Variants in PREX1 observed in about 807,000 individuals in gnomAD.
The protein encoded by PREX1 is phosphatidylinositol 3,4,5-trisphosphate-dependent Rac exchanger 1 protein.
In PREX1, 41 loss-of-function variants were observed where a neutral mutation model predicts 198.3. The observed-to-expected ratio is 0.21, with a 90% CI of 0.16 to 0.27. The LOEUF is 0.27. PREX1 is among the 10% of genes least tolerant of loss of function. PREX1 has a pLI of 1.00. For missense variants in PREX1, 1,620 were observed against 2,200.7 expected (o/e 0.74, Z 5.28); for synonymous variants, 843 against 887.2 (o/e 0.95, Z 0.89).
At chr20:48,864,539 G>C in the PREX1 span, among the ~76,000 whole-genome samples, 3 of 152,212 alleles carry the variant, frequency 2.0e-5, no homozygotes, top group African/African-American at 7.2e-5. Context: ...TTGCAGATGA[G>C]AAAAGTATAG....
At chr20:48,839,245 A>G in the PREX1 span, among the ~76,000 whole-genome samples, 1 of 152,138 alleles carries the variant, frequency 6.6e-6, no homozygotes, top group Admixed American at 6.5e-5. Context: ...CGTCAACTGC[A>G]TTAGACTATG....
the PREX1 span, among the ~76,000 whole-genome samples, chr20:48,849,269 G>A: frequency 8.8e-4 from 134 of 152,164 alleles, 1 homozygote; most frequent in African/African-American, 3.0e-3. Flanking sequence ...ATATATGTGT[G>A]ATTATATATG....
intron 1 of PREX1, among the ~76,000 whole-genome samples, chr20:48,820,395 C>T (rs2090479243): frequency 6.6e-6 from 1 of 152,180 alleles, no homozygotes; most frequent in East Asian, 1.9e-4. Context: ...CAAGGTCACA[C>T]AGGGGAAGAG....
chr20:48,797,318 C>T (rs945776401), intron 1 of PREX1, among the ~76,000 whole-genome samples: 4 of 151,966 alleles, frequency 2.6e-5, no homozygotes, highest in Middle Eastern at 3.4e-3. Context: ...GACAAAGGGC[C>T]AAATGACGGC....
chr20:48,674,693 A>G (rs1274683193), intron 14 of PREX1, among the ~76,000 whole-genome samples: 2 of 152,214 alleles, frequency 1.3e-5, no homozygotes, highest in Non-Finnish European at 2.9e-5. Flanking sequence ...ACTCAAAAGG[A>G]TAACACACAA....
intron 1 of PREX1, among the ~76,000 whole-genome samples, chr20:48,800,334 C>G (rs1036318298): frequency 8.5e-5 from 13 of 152,202 alleles, no homozygotes; most frequent in African/African-American, 3.1e-4. Flanking sequence ...TTACTGAGGT[C>G]TGAGGGGTTT....
At position 48,637,689 on chromosome 20, in the gene PREX1, C is replaced by T. The variant is rs756813612; in HGVS notation, c.3946+22G>A. 1.9e-6 allele frequency: 3 copies of T among 1,601,774 alleles called. No homozygotes were observed. The Admixed American group carries it at 5.1e-5, about 27-fold the overall frequency. ...TGGAAGAGGCCGGGTATGTGCCCCCCACACACCTTTAAAGGCCTCACCTGT... is the reference window on the plus strand; with the variant it reads ...TGGAAGAGGCCGGGTATGTGCCCCCTACACACCTTTAAAGGCCTCACCTGT... On this transcript the variant is annotated intron_variant, in intron 31 of 39. Coordinates refer to ENST00000371941, the MANE Select transcript of PREX1 (RefSeq NM_020820.4).
At chr20:48,840,984 A>C in the PREX1 span, among the ~76,000 whole-genome samples, 1 of 151,108 alleles carries the variant, frequency 6.6e-6, no homozygotes, top group Non-Finnish European at 1.5e-5. Flanking sequence ...AAAAATGTGC[A>C]GATGGGGGTC....
At chr20:48,744,548 G>A (rs905846079) in intron 3 of PREX1, among the ~76,000 whole-genome samples, 13 of 152,200 alleles carry the variant, frequency 8.5e-5, no homozygotes, top group African/African-American at 3.1e-4. Flanking sequence ...AATCTTGCAG[G>A]AAGAGAGAGG....
At chr20:48,830,423 CCT>C (rs2090534754), upstream of PREX1, among the ~76,000 whole-genome samples, 1 of 152,210 alleles carries the variant, frequency 6.6e-6, no homozygotes, top group African/African-American at 2.4e-5. Context: ...AGAATTGCCC[CCT>C]GTTGAGAACC....
At chr20:48,749,908 CT>C (rs148413022) in intron 1 of PREX1, among the ~76,000 whole-genome samples, 2 of 152,046 alleles carry the variant, frequency 1.3e-5, no homozygotes, top group South Asian at 2.1e-4. Flanking sequence ...GTTAAATCCC[CT>C]TTTTTTATGA....
At chr20:48,628,836 C>T (rs1376834374) in intron 37 of PREX1, among the ~76,000 whole-genome samples, 1 of 152,238 alleles carries the variant, frequency 6.6e-6, no homozygotes, top group East Asian at 1.9e-4. Flanking sequence ...TCAGGCCAGG[C>T]ACTGCTCTAG....
intron 21 of PREX1, 73 bp from the exon 22 acceptor site, chr20:48,651,656 G>C: frequency 1.4e-6 from 2 of 1,466,122 alleles, no homozygotes; most frequent in Non-Finnish European, 1.8e-6. Flanking sequence ...GAGGATTCTG[G>C]AGGAAGCCTT....
the PREX1 span, among the ~76,000 whole-genome samples, chr20:48,875,367 T>A: frequency 1.3e-5 from 2 of 151,998 alleles, no homozygotes; most frequent in Admixed American, 1.3e-4. Context: ...AGGGTAAGGA[T>A]GACTGTGAGG....
rs561946410 is a variant in PREX1, at chr20:48,666,130, C to G, written c.1738+153G>C. Among the ~76,000 whole-genome samples the G allele has an allele frequency of 2.0e-5, 3 of 152,304 alleles. No homozygotes were observed. The highest frequency in any genetic ancestry group is 7.2e-5 in the African/African-American group (3 of 41,578). On this transcript the variant is annotated intron_variant, in intron 15 of 39. Coordinates refer to ENST00000371941, the MANE Select transcript of PREX1 (RefSeq NM_020820.4). This position sits in a 1 kb window ranked among gnomAD's most constrained non-coding sequence, Gnocchi z 4.3. ...AAGCCATTTCTCGATCGGTTCAGAA[C>G]GGGAAGGGGAGGGAGGTGGGATTCG...
intron 17 of PREX1, 141 bp from the exon 18 acceptor site, chr20:48,657,329 G>T: frequency 9.4e-7 from 1 of 1,058,340 alleles, no homozygotes; most frequent in Middle Eastern, 2.2e-4. Context: ...TGCTGTCTGT[G>T]GTAAGCAGTT....
At chr20:48,673,643 C>T (rs1422177131) in intron 14 of PREX1, among the ~76,000 whole-genome samples, 1 of 152,152 alleles carries the variant, frequency 6.6e-6, no homozygotes, top group African/African-American at 2.4e-5. Context: ...ACCCCTGTCA[C>T]CTATTTGTAG....
intron 6 of PREX1, among the ~76,000 whole-genome samples, chr20:48,704,946 T>G (rs2089896023): frequency 6.6e-6 from 1 of 152,242 alleles, no homozygotes; most frequent in African/African-American, 2.4e-5. Flanking sequence ...AGTGTGCCTC[T>G]GAGGAGGCGC....
chr20:48,715,177 G>GTGCT (rs893753383), intron 5 of PREX1, among the ~76,000 whole-genome samples: 11 of 152,296 alleles, frequency 7.2e-5, no homozygotes, highest in East Asian at 5.8e-4. Context: ...AACCCAAGAG[G>GTGCT]TGCTTGCTTG....
Sources: allele counts gnomAD v4.1 joint callset (sites outside exome capture counted in the v4.1 genomes callset), GRCh38; gene constraint gnomAD v4.1.1; non-coding constraint Gnocchi (gnomAD v3.1); transcripts MANE v1.5; gene names NCBI Gene and HGNC (gene_info 2026-07-23, HGNC 2026-07-21).